The following PTPRN2 variants were observed in gnomAD, a reference collection of about 807,000 sequenced individuals.
PTPRN2 encodes receptor-type tyrosine-protein phosphatase N2.
In PTPRN2, 74 loss-of-function variants were observed where a neutral mutation model predicts 118.8. That is an observed-to-expected ratio of 0.62 (90% CI 0.52 to 0.76). The LOEUF (loss-of-function observed/expected upper bound fraction) is 0.76. PTPRN2 is among the 30% of genes least tolerant of loss of function. The pLI, the probability that PTPRN2 is intolerant of heterozygous loss-of-function variation, is 0.00. For synonymous variants in PTPRN2, 641 were observed against 608.0 expected (o/e 1.05, Z -0.80); for missense variants, 1,481 against 1,394.4 (o/e 1.06, Z -0.99).
intron 1 of PTPRN2, among the ~76,000 whole-genome samples, chr7:158,569,413 C>T (rs73180253): frequency 2.0e-5 from 3 of 152,386 alleles, no homozygotes; most frequent in Admixed American, 6.5e-5. Context: ...GACCCAGATG[C>T]GCCCGCTTGG....
At chr7:158,482,050 A>G (rs1172652921) in intron 2 of PTPRN2, among the ~76,000 whole-genome samples, 1 of 152,186 alleles carries the variant, frequency 6.6e-6, no homozygotes, top group Non-Finnish European at 1.5e-5. Flanking sequence ...GCATTAGCAG[A>G]GCTGCCTGAA....
At position 157,587,637 on chromosome 7, in the gene PTPRN2, TAA is replaced by T. The variant is rs1359101728; in HGVS notation, c.2496+7599_2496+7600del. ...TTCTTGGTAAAATGTTGATGTGCAA[TAA>T]GAGTCAACACACATCCGATGCCAGT... On this transcript the variant is annotated intron_variant, in intron 17 of 22. Coordinates refer to ENST00000389418, the MANE Select transcript of PTPRN2 (RefSeq NM_002847.5). The surrounding 1 kb of genome is among the most constrained non-coding windows in gnomAD (Gnocchi z 5.3). 1.3e-5 allele frequency among the ~76,000 whole-genome samples: 2 copies of T among 152,246 alleles called. No homozygotes were observed. The highest frequency in any genetic ancestry group is 2.9e-5 in the Non-Finnish European group (2 of 68,046).
intron 11 of PTPRN2, among the ~76,000 whole-genome samples, chr7:157,997,838 G>T (rs1448069848): frequency 7.3e-6 from 1 of 136,250 alleles, no homozygotes; most frequent in African/African-American, 2.8e-5. Context: ...GGAGAGGAGT[G>T]CAGGGGAGTG....
chr7:158,118,556 C>T (rs188265690), intron 9 of PTPRN2, among the ~76,000 whole-genome samples: 166 of 152,240 alleles, frequency 1.1e-3, no homozygotes, highest in African/African-American at 3.7e-3. Context: ...TCATTAATTA[C>T]TTTAAATGTA....
chr7:157,782,613 G>T (rs907456177), intron 12 of PTPRN2, among the ~76,000 whole-genome samples: 2 of 152,194 alleles, frequency 1.3e-5, no homozygotes, highest in Admixed American at 1.3e-4. Context: ...ACTCATACAT[G>T]TATAATATAC....
chr7:157,933,325 T>G (rs1187685363), intron 11 of PTPRN2, among the ~76,000 whole-genome samples: 2 of 144,786 alleles, frequency 1.4e-5, no homozygotes, highest in East Asian at 4.3e-4. Flanking sequence ...GGTGAGTCAT[T>G]CTGATTGACA....
chr7:157,802,328 G>A (rs141976185), intron 12 of PTPRN2, among the ~76,000 whole-genome samples: 107 of 152,292 alleles, frequency 7.0e-4, no homozygotes, highest in African/African-American at 2.5e-3. Context: ...CAGCGACGTC[G>A]TGCAGCCTCT....
chr7:158,044,027 T>C (rs1808664462), intron 11 of PTPRN2, among the ~76,000 whole-genome samples: 3 of 152,342 alleles, frequency 2.0e-5, no homozygotes, highest in South Asian at 2.1e-4. Flanking sequence ...GCAGTGAGGA[T>C]ATGTAAATCT....
At chr7:158,335,788 AGT>A (rs1372650387) in intron 2 of PTPRN2, among the ~76,000 whole-genome samples, 1 of 7,986 alleles carries the variant, frequency 1.3e-4, no homozygotes, top group African/African-American at 6.4e-4. Flanking sequence ...TCACACCCAC[AGT>A]CTCACCATAA....
intron 1 of PTPRN2, among the ~76,000 whole-genome samples, chr7:158,556,828 G>T (rs1827040674): frequency 7.1e-6 from 1 of 139,988 alleles, no homozygotes. Flanking sequence ...TCCCACGCAG[G>T]TCAGGCAGCT....
At chr7:158,445,554 G>A (rs566772919) in intron 2 of PTPRN2, among the ~76,000 whole-genome samples, 33 of 152,340 alleles carry the variant, frequency 2.2e-4, no homozygotes, top group African/African-American at 6.3e-4. Flanking sequence ...CTTCAGGTTC[G>A]TCTGGCCCTA....
intron 11 of PTPRN2, among the ~76,000 whole-genome samples, chr7:157,985,738 G>A (rs540477269): frequency 1.3e-5 from 2 of 152,200 alleles, no homozygotes; most frequent in Non-Finnish European, 2.9e-5. Flanking sequence ...CACAGCCAGC[G>A]CTGCTCTTGA....
At chr7:158,064,257 A>G (rs1169736653) in intron 11 of PTPRN2, among the ~76,000 whole-genome samples, 2 of 152,210 alleles carry the variant, frequency 1.3e-5, no homozygotes, top group African/African-American at 4.8e-5. Context: ...CAACCTGAAC[A>G]TGTGCTGGGT....
At chr7:158,351,858 CACTCCCAGCCCA>C in intron 2 of PTPRN2, among the ~76,000 whole-genome samples, 1 of 151,776 alleles carries the variant, frequency 6.6e-6, no homozygotes, top group Admixed American at 6.6e-5. Context: ...TCTGACCACC[CACTCCCAGCCCA>C]GCTCCCCTCC....
chr7:157,902,289 C>T (rs975668265), intron 11 of PTPRN2, among the ~76,000 whole-genome samples: 2 of 152,266 alleles, frequency 1.3e-5, no homozygotes, highest in African/African-American at 4.8e-5. Flanking sequence ...GTGGAACACT[C>T]ATGAGAAGTG....
intron 4 of PTPRN2, among the ~76,000 whole-genome samples, chr7:158,196,203 C>A (rs2150719000): frequency 6.6e-6 from 1 of 152,322 alleles, no homozygotes; most frequent in African/African-American, 2.4e-5. Context: ...CATCAGTCAT[C>A]TACCAAATCC....
intron 5 of PTPRN2, among the ~76,000 whole-genome samples, chr7:158,187,054 C>T (rs10237059): frequency 0.65 from 98,223 of 152,068 alleles, 32,385 homozygotes; most frequent in East Asian, 0.85. Flanking sequence ...GGTGCTACCA[C>T]AGTCAATAAA....
At chr7:158,188,055 C>T (rs1275692494) in intron 5 of PTPRN2, among the ~76,000 whole-genome samples, 2 of 151,988 alleles carry the variant, frequency 1.3e-5, no homozygotes, top group African/African-American at 2.4e-5. Context: ...CCCTGGGGAG[C>T]GGCAGGGTCG....
At chr7:158,180,378 C>A (rs1225554694) in intron 5 of PTPRN2, among the ~76,000 whole-genome samples, 3 of 152,192 alleles carry the variant, frequency 2.0e-5, no homozygotes, top group Non-Finnish European at 4.4e-5. Context: ...GTAACTCTAG[C>A]CTTGTAGTAT....
Sources: gnomAD v4.1 joint callset for allele counts (sites outside exome capture counted in the v4.1 genomes callset) on GRCh38, gnomAD v4.1.1 for gene constraint, Gnocchi (gnomAD v3.1) non-coding constraint, MANE v1.5 for transcripts, NCBI Gene and HGNC (gene_info 2026-07-23, HGNC 2026-07-21) for gene names.